The following CACNA1C variants were observed in gnomAD, a reference collection of about 807,000 sequenced individuals.
CACNA1C encodes calcium voltage-gated channel subunit alpha1 C, also known as voltage-dependent L-type calcium channel subunit alpha-1C.
In CACNA1C, 30 loss-of-function variants were observed where a neutral mutation model predicts 229.0. That is an observed-to-expected ratio of 0.13 (90% confidence interval 0.10 to 0.18). The LOEUF (loss-of-function observed/expected upper bound fraction) is 0.18. Ranked by LOEUF, CACNA1C falls within the 10% of genes least tolerant of loss-of-function variation. The pLI, the probability that CACNA1C is intolerant of heterozygous loss-of-function variation, is 1.00. For missense variants in CACNA1C, 1,658 were observed against 2,845.0 expected (o/e 0.58, Z 9.49); for synonymous variants, 1,114 against 1,132.5 (o/e 0.98, Z 0.33).
chr12:2,527,603 C>T (rs190703297), intron 9 of CACNA1C, among the ~76,000 whole-genome samples: 16 of 152,272 alleles, frequency 1.1e-4, no homozygotes, highest in African/African-American at 3.9e-4. Context: ...ACACCAAACA[C>T]AGGAGCAAGA....
At chr12:2,638,193 C>T (rs1009426004) in intron 30 of CACNA1C, among the ~76,000 whole-genome samples, 1 of 152,136 alleles carries the variant, frequency 6.6e-6, no homozygotes, top group African/African-American at 2.4e-5. Context: ...AGATGATAGA[C>T]GTTTTAGGAA....
intron 3 of CACNA1C, among the ~76,000 whole-genome samples, chr12:2,383,861 C>T (rs2098314749): frequency 6.6e-6 from 1 of 152,244 alleles, no homozygotes; most frequent in Non-Finnish European, 1.5e-5. Flanking sequence ...TTGGTTCTCA[C>T]TTCCTCCTTT....
rs141798265 is a variant in CACNA1C at position 2,084,430 on chromosome 12, A to G, written c.50-30794A>G. Among the ~76,000 whole-genome samples, 64 of 152,212 alleles carry G rather than the reference A, an allele frequency of 4.2e-4. No homozygotes were observed. In the East Asian group the frequency reaches 0.012, roughly 28 times the overall value. On this transcript the variant is annotated intron_variant, in intron 1 of 46. Transcript: ENST00000399655. ...GGAGCAAACAAAATATATTTACTTC[A>G]TTTTCTTATAGCCCTCCAGATTTTT...
chr12:2,120,083 T>C (rs761793188), intron 2 of CACNA1C, among the ~76,000 whole-genome samples: 7 of 152,212 alleles, frequency 4.6e-5, no homozygotes, highest in Non-Finnish European at 7.3e-5. Context: ...TTTTTAGAAA[T>C]CTGTGTTTAC....
chr12:2,066,770 C>T (rs950832875), intron 1 of CACNA1C, among the ~76,000 whole-genome samples: 1 of 151,888 alleles, frequency 6.6e-6, no homozygotes, highest in Non-Finnish European at 1.5e-5. Context: ...AGGCTCAACC[C>T]CAGCAAAGGA....
Position 2,080,592 on chromosome 12 carries a change from C to T in CACNA1C, c.49+26981C>T, listed in dbSNP as rs2065165864. On this transcript the variant is annotated intron_variant, in intron 1 of 46. Coordinates refer to ENST00000399655, the MANE Select transcript of CACNA1C (RefSeq NM_000719.7). ...CTCCAGCATGGGCAACAGAGTGAGA[C>T]TCTGTCTCAAAAAAAAAAACAAAAA... 2.4e-5 allele frequency among the ~76,000 whole-genome samples: 3 copies of T among 127,392 alleles called. No homozygotes were observed. The Admixed American group carries it at 2.4e-4, about 10-fold the overall frequency. The allele number at this position is 127,392 out of a possible 152,430, so 83.6% of individuals were successfully genotyped here.
At chr12:2,014,719 G>C (rs2045044272) in intron 1 of CACNA1C, among the ~76,000 whole-genome samples, 1 of 152,228 alleles carries the variant, frequency 6.6e-6, no homozygotes, top group Non-Finnish European at 1.5e-5. Context: ...GCCTAGACCA[G>C]GGTAGAATGG....
At chr12:2,569,922 G>T (rs2053429533) in intron 13 of CACNA1C, among the ~76,000 whole-genome samples, 1 of 152,064 alleles carries the variant, frequency 6.6e-6, no homozygotes, top group Admixed American at 6.5e-5. Context: ...AATGTATAAG[G>T]GTTCCAATTT....
At chr12:2,277,197 G>T (rs945132858) in intron 3 of CACNA1C, among the ~76,000 whole-genome samples, 1 of 152,062 alleles carries the variant, frequency 6.6e-6, no homozygotes, top group Admixed American at 6.6e-5. Context: ...TCTTTTAAAG[G>T]TGTGGAAACA....
intron 3 of CACNA1C, among the ~76,000 whole-genome samples, chr12:2,233,528 T>G (rs1485325880): frequency 6.6e-6 from 1 of 152,194 alleles, no homozygotes; most frequent in Admixed American, 6.5e-5. Flanking sequence ...CATTCTAAAA[T>G]CATGTAAGTT....
intron 3 of CACNA1C, among the ~76,000 whole-genome samples, chr12:2,385,861 C>G (rs1037182767): frequency 6.6e-6 from 1 of 152,194 alleles, no homozygotes; most frequent in South Asian, 2.1e-4. Context: ...TAGAGTGGGC[C>G]TGGGTGGGGC....
chr12:2,234,967 CA>C (rs2066757821), intron 3 of CACNA1C, among the ~76,000 whole-genome samples: 1 of 152,128 alleles, frequency 6.6e-6, no homozygotes, highest in Non-Finnish European at 1.5e-5. Flanking sequence ...GAGGTTCTCA[CA>C]AAGGTGGCTT....
intron 1 of CACNA1C, among the ~76,000 whole-genome samples, chr12:1,995,296 A>C (rs1311148980): frequency 6.6e-6 from 1 of 152,262 alleles, no homozygotes; most frequent in Non-Finnish European, 1.5e-5. Flanking sequence ...TCTCCAAAGA[A>C]TCATAATGCG....
At chr12:2,363,231 A>G (rs766792299) in intron 3 of CACNA1C, among the ~76,000 whole-genome samples, 8 of 152,138 alleles carry the variant, frequency 5.3e-5, no homozygotes, top group Non-Finnish European at 1.2e-4. Context: ...GAGACAAGCT[A>G]CCTTGGATGG....
At chr12:2,549,099 A>T (rs1363209233) in intron 9 of CACNA1C, among the ~76,000 whole-genome samples, 1 of 152,162 alleles carries the variant, frequency 6.6e-6, no homozygotes, top group African/African-American at 2.4e-5. Flanking sequence ...AAGCCACCAA[A>T]CTGGGTTCTA....
intron 9 of CACNA1C, among the ~76,000 whole-genome samples, chr12:2,537,516 C>A (rs1475485811): frequency 2.0e-5 from 3 of 152,172 alleles, no homozygotes; most frequent in Non-Finnish European, 4.4e-5. Context: ...CTCTGGGAGA[C>A]AAGGCCTTAA....
rs144513008 is a variant in CACNA1C, at chr12:2,166,118, G to T, written c.477+45688G>T. ...ATTTCTCAAAGATTGATTATCTCTGGGGAAATGTGTTACATCAGCCCTCAG... is the reference window on the plus strand; with the variant it reads ...ATTTCTCAAAGATTGATTATCTCTGTGGAAATGTGTTACATCAGCCCTCAG... On this transcript the variant is annotated intron_variant, in intron 3 of 46. Transcript: ENST00000399655. Among the ~76,000 whole-genome samples, 646 of 152,264 alleles carry T rather than the reference G, an allele frequency of 4.2e-3. 5 individuals carry two copies. Among genetic ancestry groups the T allele is most frequent in the African/African-American group, 0.015 (606 of 41,548 alleles).
At chr12:2,045,441 C>T (rs1003696634) in intron 1 of CACNA1C, among the ~76,000 whole-genome samples, 1 of 152,190 alleles carries the variant, frequency 6.6e-6, no homozygotes, top group African/African-American at 2.4e-5. Flanking sequence ...TTCTACCCAG[C>T]TGAGTTGGCT....
At chr12:2,259,863 G>A (rs1225688955) in intron 3 of CACNA1C, among the ~76,000 whole-genome samples, 1 of 152,180 alleles carries the variant, frequency 6.6e-6, no homozygotes, top group African/African-American at 2.4e-5. Flanking sequence ...TTGAGCCCAG[G>A]AGGTGGAGGC....
Sources: allele counts gnomAD v4.1 joint callset (sites outside exome capture counted in the v4.1 genomes callset), GRCh38; gene constraint gnomAD v4.1.1; transcripts MANE v1.5; gene names NCBI Gene and HGNC (gene_info 2026-07-23, HGNC 2026-07-21).